CSMD1: variants seen among roughly 807,000 people sequenced by gnomAD.
CSMD1 encodes CUB and sushi domain-containing protein 1.
CSMD1 carries 213 observed loss-of-function variants against 417.5 expected under a neutral mutation model. The observed-to-expected ratio is 0.51, with a 90% CI of 0.46 to 0.57. The LOEUF (loss-of-function observed/expected upper bound fraction) is 0.57, where lower values mean the gene tolerates loss of function less well. CSMD1 is among the 20% of genes least tolerant of loss of function. CSMD1 has a pLI of 0.00. For synonymous variants in CSMD1, 2,862 were observed against 1,736.8 expected (o/e 1.65, Z -16.11); for missense variants, 6,923 against 4,529.7 (o/e 1.53, Z -15.17).
At chr8:4,164,553 A>G (rs1797347086) in intron 3 of CSMD1, among the ~76,000 whole-genome samples, 1 of 152,176 alleles carries the variant, frequency 6.6e-6, no homozygotes, top group Non-Finnish European at 1.5e-5. Context: ...TGTATAAGCC[A>G]CCAAGCCCCG....
At chr8:3,536,581 T>A (rs889056263) in intron 10 of CSMD1, among the ~76,000 whole-genome samples, 1 of 152,328 alleles carries the variant, frequency 6.6e-6, no homozygotes, top group Middle Eastern at 3.4e-3. Context: ...TACTTGGTAG[T>A]CACTGTCTCC....
chr8:4,218,978 T>G (rs2128807124), intron 3 of CSMD1, among the ~76,000 whole-genome samples: 1 of 152,296 alleles, frequency 6.6e-6, no homozygotes. Flanking sequence ...AATCAAATAC[T>G]CCCGGTGTAC....
chr8:3,646,118 T>C (rs1282026080), intron 7 of CSMD1, among the ~76,000 whole-genome samples: 3 of 151,492 alleles, frequency 2.0e-5, no homozygotes, highest in Non-Finnish European at 2.9e-5. Flanking sequence ...CGAGAAAACC[T>C]TTTGAAGAAT....
In CSMD1 at chr8:4,196,341, A is replaced by C. The variant is rs560712047; in HGVS notation, c.416-164242T>G. On this transcript the variant is annotated intron_variant, in intron 3 of 69. Transcript: ENST00000635120. ...TACATTACTACAAATAGAGCGGCTT[A>C]AGAGAATACAGTCTTACTTTTAGTT... is the stretch of plus-strand genomic sequence containing the variant. Among the ~76,000 whole-genome samples, 4 of 152,348 alleles carry C rather than the reference A, an allele frequency of 2.6e-5. No individual in the cohort carries two copies. The South Asian group carries it at 8.3e-4, about 32-fold the overall frequency.
intron 3 of CSMD1, among the ~76,000 whole-genome samples, chr8:4,073,729 C>G (rs1371651946): frequency 6.6e-6 from 1 of 151,986 alleles, no homozygotes; most frequent in Non-Finnish European, 1.5e-5. Context: ...GTATAGACAC[C>G]AGCTGTTTTC....
At chr8:3,844,896 AATATTT>A (rs879397176) in intron 5 of CSMD1, among the ~76,000 whole-genome samples, 8,700 of 152,274 alleles carry the variant, frequency 0.057, 4 homozygotes, top group African/African-American at 0.18. Context: ...AATTCTTGTC[AATATTT>A]GTCTGTGCAT....
chr8:4,765,052 G>A (rs976105898), intron 1 of CSMD1, among the ~76,000 whole-genome samples: 1 of 152,036 alleles, frequency 6.6e-6, no homozygotes, highest in Non-Finnish European at 1.5e-5. Context: ...CACCTATGTA[G>A]AGAGCTATCA....
chr8:4,571,401 C>G (rs1798886971), intron 2 of CSMD1, among the ~76,000 whole-genome samples: 1 of 152,058 alleles, frequency 6.6e-6, no homozygotes, highest in African/African-American at 2.4e-5. Context: ...CGTTATTTAC[C>G]CAGTGGTCAT....
At chr8:4,897,300 G>GA (rs910743141) in intron 1 of CSMD1, among the ~76,000 whole-genome samples, 29 of 152,060 alleles carry the variant, frequency 1.9e-4, no homozygotes, top group African/African-American at 7.0e-4. Context: ...GAAAAAAACG[G>GA]AAAAAATAAA....
intron 1 of CSMD1, among the ~76,000 whole-genome samples, chr8:4,974,715 C>T (rs11778280): frequency 0.16 from 23,970 of 152,046 alleles, 2,078 homozygotes; most frequent in East Asian, 0.31. Context: ...AAGGATAACA[C>T]CTTTGGTCTT....
At chr8:4,277,268 T>C (rs1164450369) in intron 3 of CSMD1, among the ~76,000 whole-genome samples, 1 of 152,020 alleles carries the variant, frequency 6.6e-6, no homozygotes, top group Non-Finnish European at 1.5e-5. Flanking sequence ...TCTTATGAAG[T>C]TGGGTTGTAT....
At chr8:4,625,143 G>T (rs892693127) in intron 2 of CSMD1, among the ~76,000 whole-genome samples, 1 of 151,984 alleles carries the variant, frequency 6.6e-6, no homozygotes, top group African/African-American at 2.4e-5. Flanking sequence ...ACCATACCAG[G>T]GAAAATACGA....
At chr8:3,770,388 G>A (rs1001585552) in intron 5 of CSMD1, among the ~76,000 whole-genome samples, 3 of 152,102 alleles carry the variant, frequency 2.0e-5, no homozygotes, top group African/African-American at 7.2e-5. Flanking sequence ...AATTAGCCAG[G>A]CACGGTGGTG....
chr8:3,814,091 AGAGCTT>A (rs1801235941), intron 5 of CSMD1, among the ~76,000 whole-genome samples: 1 of 152,204 alleles, frequency 6.6e-6, no homozygotes, highest in South Asian at 2.1e-4. Context: ...CCCTGAAGGA[AGAGCTT>A]GAGATCAGAA....
intron 7 of CSMD1, among the ~76,000 whole-genome samples, chr8:3,681,721 C>G (rs1020701984): frequency 6.6e-6 from 1 of 152,106 alleles, no homozygotes; most frequent in Non-Finnish European, 1.5e-5. Flanking sequence ...AAAAAAGAGC[C>G]CGCATTGCCA....
intron 2 of CSMD1, among the ~76,000 whole-genome samples, chr8:4,436,641 C>A (rs1798165156): frequency 6.6e-6 from 1 of 151,968 alleles, no homozygotes; most frequent in South Asian, 2.1e-4. Flanking sequence ...TTTTTTTAAT[C>A]CATTAACAAT....
intron 2 of CSMD1, among the ~76,000 whole-genome samples, chr8:4,448,605 CAATT>C (rs1211010883): frequency 6.6e-6 from 1 of 152,124 alleles, no homozygotes; most frequent in African/African-American, 2.4e-5. Context: ...GTCTTAGTAT[CAATT>C]AATAAATGTA....
intron 2 of CSMD1, among the ~76,000 whole-genome samples, chr8:4,628,928 A>C (rs1802333762): frequency 6.6e-6 from 1 of 152,186 alleles, no homozygotes; most frequent in African/African-American, 2.4e-5. Flanking sequence ...AAGAAAATGG[A>C]CACTCTGATA....
chr8:3,160,662 C>G (rs138850814), intron 38 of CSMD1, among the ~76,000 whole-genome samples: 9 of 152,162 alleles, frequency 5.9e-5, no homozygotes, highest in Non-Finnish European at 1.3e-4. Flanking sequence ...TTTGTTCTTA[C>G]GAAGGTGGCT....
Sources: gnomAD v4.1 joint callset for allele counts (sites outside exome capture counted in the v4.1 genomes callset) on GRCh38, gnomAD v4.1.1 for gene constraint, MANE v1.5 for transcripts, NCBI Gene and HGNC (gene_info 2026-07-23, HGNC 2026-07-21) for gene names.